RFTN1: variants seen among roughly 807,000 people sequenced by gnomAD.
The protein encoded by RFTN1 is raftlin, lipid raft linker 1.
In RFTN1, 26 loss-of-function variants were observed where a neutral mutation model predicts 46.5. The ratio of observed to expected loss-of-function variants is 0.56; its 90% CI spans 0.41 to 0.78. The LOEUF is 0.78. Ranked by LOEUF, RFTN1 falls within the 30% of genes least tolerant of loss-of-function variation. The probability of loss-of-function intolerance (pLI) is 0.00; values close to 1 mark genes in which losing one functional copy is unlikely to be tolerated. For missense variants in RFTN1, 693 were observed against 718.7 expected, an observed-to-expected ratio of 0.96 and a Z score of 0.41; for synonymous variants, 261 against 284.2, an observed-to-expected ratio of 0.92 and a Z score of 0.82.
chr3:16,418,966 CA>C lies in RFTN1; in HGVS notation c.333-9484del, dbSNP rs919639957. Among the ~76,000 whole-genome samples, 4 of 152,054 alleles carry C rather than the reference CA, an allele frequency of 2.6e-5. No homozygotes were observed. Among genetic ancestry groups the C allele is most frequent in the East Asian group, 1.9e-4 (1 of 5,194 alleles). On this transcript the variant is annotated intron_variant, in intron 3 of 9. Transcript: ENST00000334133. This position sits in a 1 kb window ranked among gnomAD's most constrained non-coding sequence, Gnocchi z 5.0. ...TTCAATTATTTCCAGTGTCAAGGATCAGGGGAAAATTTAAGGAGCAAGGCGT... is the reference window on the plus strand; with the variant it reads ...TTCAATTATTTCCAGTGTCAAGGATCGGGGAAAATTTAAGGAGCAAGGCGT...
Position 16,376,565 on chromosome 3 carries a change from T to TA in RFTN1, c.826+1152dup, listed in dbSNP as rs1423123052. Reference sequence around the variant, plus strand: ...GTTCATGAGGACGACACACTGGGCTTAAATGCATGCTCAGCTACTTCATGA... The same window carrying TA: ...GTTCATGAGGACGACACACTGGGCTTAAAATGCATGCTCAGCTACTTCATGA... On this transcript the variant is annotated intron_variant, in intron 5 of 9. Coordinates refer to ENST00000334133, the MANE Select transcript of RFTN1 (RefSeq NM_015150.2). The surrounding 1 kb of genome is among the most constrained non-coding windows in gnomAD (Gnocchi z 4.7). Among the ~76,000 whole-genome samples, 1 of 152,168 alleles carries TA rather than the reference T, an allele frequency of 6.6e-6. No homozygotes were observed. Among genetic ancestry groups the TA allele is most frequent in the Non-Finnish European group, 1.5e-5 (1 of 68,032 alleles).
At chr3:16,495,816 T>A (rs1017182916) in intron 1 of RFTN1, among the ~76,000 whole-genome samples, 1 of 152,260 alleles carries the variant, frequency 6.6e-6, no homozygotes, top group African/African-American at 2.4e-5. Flanking sequence ...CCCAGCCATG[T>A]CTTACTGAGC....
rs1002477723 is a variant in RFTN1 at position 16,421,273 on chromosome 3, C to T, written c.333-11790G>A. Among the ~76,000 whole-genome samples, 10 of 152,076 alleles carry T rather than the reference C, an allele frequency of 6.6e-5. No homozygotes were observed. The highest frequency in any genetic ancestry group is 2.1e-4 in the South Asian group (1 of 4,812). ...TTGTTAACATAATGGAACTATAACA[C>T]ACTTTTCAAAAAGTCTTCTTGATAA... On this transcript the variant is annotated intron_variant, in intron 3 of 9. Transcript: ENST00000334133. This position sits in a 1 kb window ranked among gnomAD's most constrained non-coding sequence, Gnocchi z 4.6.
intron 4 of RFTN1, among the ~76,000 whole-genome samples, 198 bp downstream of exon 4, chr3:16,409,177 G>A (rs917396871): frequency 2.0e-5 from 3 of 152,218 alleles, no homozygotes; most frequent in African/African-American, 7.2e-5. Flanking sequence ...CTGCATGCCT[G>A]GGGAGGAGGG....
rs1277348103 is a variant in RFTN1 at position 16,327,786 on chromosome 3, A to C, written c.1147-910T>G. On this transcript the variant is annotated intron_variant, in intron 7 of 9. Coordinates refer to ENST00000334133, the MANE Select transcript of RFTN1 (RefSeq NM_015150.2). This position sits in a 1 kb window ranked among gnomAD's most constrained non-coding sequence, Gnocchi z 4.2. ...CAAAAAAAAAAACAAAACGAAAAAA[A>C]CTTCAGCCCCCTGCTAGCACAGGGA... Among the ~76,000 whole-genome samples, 1 of 151,538 alleles carries C rather than the reference A, an allele frequency of 6.6e-6. No individual in the cohort carries two copies. The highest frequency in any genetic ancestry group is 1.5e-5 in the Non-Finnish European group (1 of 67,904).
At chr3:16,318,983 G>A (rs1349370986) in intron 9 of RFTN1, among the ~76,000 whole-genome samples, 1 of 152,176 alleles carries the variant, frequency 6.6e-6, no homozygotes, top group African/African-American at 2.4e-5. Flanking sequence ...ACCCACCAGA[G>A]GAGGCCCCTG....
intron 1 of RFTN1, 151 bp from the exon 2 acceptor site, chr3:16,494,028 T>C (rs1575370874): frequency 1.2e-6 from 1 of 839,966 alleles, no homozygotes; most frequent in East Asian, 2.6e-5. Flanking sequence ...ATATAGGACC[T>C]GAACACAGAG....
rs61019061 is a variant in RFTN1 at position 16,438,585 on chromosome 3, C to CAAAAAAA, written c.146-4555_146-4549dup. On this transcript the variant is annotated intron_variant, in intron 2 of 9. Transcript: ENST00000334133. ...GGGAGACAGAGTAAGAACTCTGTCTCAAAAAAAAAAAAAAAAAAAAAAAAA... is the reference window on the plus strand; with the variant it reads ...GGGAGACAGAGTAAGAACTCTGTCTCAAAAAAAAAAAAAAAAAAAAAAAAAAAAAAAA... Among the ~76,000 whole-genome samples, 202 of 30,512 alleles carry CAAAAAAA rather than the reference C, an allele frequency of 6.6e-3. 5 individuals are homozygous for CAAAAAAA. The highest frequency in any genetic ancestry group is 8.3e-3 in the Non-Finnish European group (146 of 17,688). The allele number at this position is 30,512 out of a possible 152,430, so 20.0% of individuals were successfully genotyped here.
At chr3:16,495,398 G>C (rs893539286) in intron 1 of RFTN1, among the ~76,000 whole-genome samples, 1 of 152,232 alleles carries the variant, frequency 6.6e-6, no homozygotes, top group Non-Finnish European at 1.5e-5. Context: ...CCAAAGGCTC[G>C]CCAAGTCACT....
In RFTN1 at chr3:16,341,168, A is replaced by G. The variant is rs2071292524; in HGVS notation, c.1147-14292T>C. Among the ~76,000 whole-genome samples, 1 of 152,244 alleles carries G rather than the reference A, an allele frequency of 6.6e-6. No individual in the cohort carries two copies. ...ACACTGACAATACTTAATGCCGGTGAGGATGTGGAACAACAGCAACTCTCG... is the reference window on the plus strand; with the variant it reads ...ACACTGACAATACTTAATGCCGGTGGGGATGTGGAACAACAGCAACTCTCG... On this transcript the variant is annotated intron_variant, in intron 7 of 9. Coordinates refer to ENST00000334133, the MANE Select transcript of RFTN1 (RefSeq NM_015150.2). This position sits in a 1 kb window ranked among gnomAD's most constrained non-coding sequence, Gnocchi z 4.7.
chr3:16,433,888 G>C lies in RFTN1; in HGVS notation c.295C>G (p.His99Asp). The change falls in exon 3 of 10, where the codon CAC (histidine) becomes GAC (aspartate). Residue 99 changes from histidine (H) to aspartate (D), a missense_variant. Coordinates refer to ENST00000334133, the MANE Select transcript of RFTN1 (RefSeq NM_015150.2). The surrounding 1 kb of genome is among the most constrained non-coding windows in gnomAD (Gnocchi z 4.4). Reference sequence around the variant, plus strand: ...TTGATCAGGATGGCTCTAAAGATGTGCTCCAGGGGCGTCTTCTCCCGCTCA... The same window carrying C: ...TTGATCAGGATGGCTCTAAAGATGTCCTCCAGGGGCGTCTTCTCCCGCTCA... ...THEREKTPLE[H>D]IFRAILIKKT... 1.2e-6 allele frequency: 2 copies of C among 1,614,176 alleles called. No individual in the cohort carries two copies. The highest frequency in any genetic ancestry group is 1.7e-6 in the Non-Finnish European group (2 of 1,180,036).
chr3:16,438,090 T>C (rs1476470579), intron 2 of RFTN1, among the ~76,000 whole-genome samples: 1 of 152,172 alleles, frequency 6.6e-6, no homozygotes, highest in African/African-American at 2.4e-5. Flanking sequence ...CTGTGAGTCA[T>C]CGAATATGGG....
rs2075829642 is a variant in RFTN1, at chr3:16,452,004, T to C, written c.146-17967A>G. Reference sequence around the variant, plus strand: ...AAGTGAGTAATGGGTGGGTATATTATGGACAGCATGGATGCACAGGACAAA... The same window carrying C: ...AAGTGAGTAATGGGTGGGTATATTACGGACAGCATGGATGCACAGGACAAA... On this transcript the variant is annotated intron_variant, in intron 2 of 9. Coordinates refer to ENST00000334133, the MANE Select transcript of RFTN1 (RefSeq NM_015150.2). This position sits in a 1 kb window ranked among gnomAD's most constrained non-coding sequence, Gnocchi z 6.3. Among the ~76,000 whole-genome samples, 1 of 152,144 alleles carries C rather than the reference T, an allele frequency of 6.6e-6. No homozygotes were observed. Among genetic ancestry groups the C allele is most frequent in the African/African-American group, 2.4e-5 (1 of 41,448 alleles).
In RFTN1 at chr3:16,357,986, G is replaced by C; in HGVS notation, c.1092C>G (p.Ser364Arg). The C allele has an allele frequency of 6.2e-7, 1 of 1,607,796 alleles. No homozygotes were observed. Among genetic ancestry groups the C allele is most frequent in the Non-Finnish European group, 8.5e-7 (1 of 1,177,960 alleles). The change falls in exon 7 of 10, where the codon AGC becomes AGG. Residue 364 changes from serine (S) to arginine (R), a missense_variant. Ser to Arg is a moderately radical substitution (Grantham distance 110, BLOSUM62 -1). Transcript: ENST00000334133. ...FIFEAVSTED[S>R]KTIQGYDAIV... ...TAGCATCATAGCCCTGTATGGTTTTGCTATCTTCTGTGGAAACAGCTTCAA... is the reference window on the plus strand; with the variant it reads ...TAGCATCATAGCCCTGTATGGTTTTCCTATCTTCTGTGGAAACAGCTTCAA...
At chr3:16,454,240 A>G (rs567427045) in intron 2 of RFTN1, among the ~76,000 whole-genome samples, 1 of 152,356 alleles carries the variant, frequency 6.6e-6, no homozygotes, top group African/African-American at 2.4e-5. Flanking sequence ...AAAATTTAAT[A>G]GGAATTGCCA....
chr3:16,357,680 C>T (rs1270098529), intron 7 of RFTN1, among the ~76,000 whole-genome samples: 1 of 152,180 alleles, frequency 6.6e-6, no homozygotes, highest in Non-Finnish European at 1.5e-5. Flanking sequence ...GAAGACAACT[C>T]TCCTTCCACC....
chr3:16,507,555 G>GA lies in RFTN1; in HGVS notation c.-9+5886dup, dbSNP rs1376024642. ...TAGCGCTATTCCATAAAACTTGAAG[G>GA]ATTCCTCAGGACAAAGGGTAAAAGG... On this transcript the variant is annotated intron_variant, in intron 1 of 9. Coordinates refer to ENST00000334133, the MANE Select transcript of RFTN1 (RefSeq NM_015150.2). The surrounding 1 kb of genome is among the most constrained non-coding windows in gnomAD (Gnocchi z 7.1). 1.3e-5 allele frequency among the ~76,000 whole-genome samples: 2 copies of GA among 151,606 alleles called. No individual in the cohort carries two copies. Among genetic ancestry groups the GA allele is most frequent in the Non-Finnish European group, 2.9e-5 (2 of 67,966 alleles).
In RFTN1 at chr3:16,457,003, G is replaced by T. The variant is rs2075919680; in HGVS notation, c.146-22966C>A. 2.0e-5 allele frequency among the ~76,000 whole-genome samples: 3 copies of T among 149,888 alleles called. No individual in the cohort carries two copies. Among genetic ancestry groups the T allele is most frequent in the African/African-American group, 4.9e-5 (2 of 40,830 alleles). ...TCTGTGTATTATGTGTCAATAAAAA[G>T]TTTTTTTTTTAAATGACAGATGCCA... On this transcript the variant is annotated intron_variant, in intron 2 of 9. Coordinates refer to ENST00000334133, the MANE Select transcript of RFTN1 (RefSeq NM_015150.2). The surrounding 1 kb of genome is among the most constrained non-coding windows in gnomAD (Gnocchi z 4.2).
chr3:16,461,697 C>T (rs2076010399), intron 2 of RFTN1, among the ~76,000 whole-genome samples: 1 of 152,228 alleles, frequency 6.6e-6, no homozygotes, highest in African/African-American at 2.4e-5. Flanking sequence ...CCTCAATTAT[C>T]TGGCAGGCAG....
Sources: allele counts gnomAD v4.1 joint callset (sites outside exome capture counted in the v4.1 genomes callset), GRCh38; gene constraint gnomAD v4.1.1; non-coding constraint Gnocchi (gnomAD v3.1); transcripts MANE v1.5; gene names NCBI Gene and HGNC (gene_info 2026-07-23, HGNC 2026-07-21).